The following ATP6V1H variants were observed in gnomAD, a reference collection of about 807,000 sequenced individuals.
The protein encoded by ATP6V1H is ATPase H+ transporting V1 subunit H.
In ATP6V1H, 39 loss-of-function variants were observed where a neutral mutation model predicts 71.7. The ratio of observed to expected loss-of-function variants is 0.54; its 90% confidence interval spans 0.42 to 0.71. The LOEUF (loss-of-function observed/expected upper bound fraction) is 0.71, where lower values mean the gene tolerates loss of function less well. Among genes scored for constraint, ATP6V1H ranks in the 30% least tolerant of loss-of-function variants. The pLI is 0.00. For missense variants in ATP6V1H, 509 were observed against 594.9 expected (o/e 0.86, Z 1.50); for synonymous variants, 192 against 199.3 (o/e 0.96, Z 0.31).
chr8:53,757,905 T>C (rs191348460), intron 11 of ATP6V1H, among the ~76,000 whole-genome samples: 3 of 152,332 alleles, frequency 2.0e-5, no homozygotes, highest in African/African-American at 7.2e-5. Context: ...CACAAATTAA[T>C]ACATTTAGTC....
chr8:53,744,112 G>A (rs1434775628), intron 12 of ATP6V1H, among the ~76,000 whole-genome samples: 5 of 151,990 alleles, frequency 3.3e-5, no homozygotes, highest in African/African-American at 9.7e-5. Context: ...ACCGTGCTGC[G>A]TGAAGATAGG....
At chr8:53,749,790 T>C (rs1807732133) in intron 12 of ATP6V1H, among the ~76,000 whole-genome samples, 1 of 151,746 alleles carries the variant, frequency 6.6e-6, no homozygotes, top group African/African-American at 2.4e-5. Flanking sequence ...TAAGAGAGTC[T>C]GATAGAGCTT....
chr8:53,755,306 T>C (rs58838407), intron 12 of ATP6V1H, among the ~76,000 whole-genome samples: 5,263 of 152,146 alleles, frequency 0.035, 204 homozygotes, highest in African/African-American at 0.1. Context: ...TTCCAATAGC[T>C]AACTTCACTA....
At chr8:53,823,230 A>G (rs990539753) in intron 4 of ATP6V1H, among the ~76,000 whole-genome samples, 7 of 152,220 alleles carry the variant, frequency 4.6e-5, no homozygotes, top group African/African-American at 1.7e-4. Flanking sequence ...TATAAAATTG[A>G]TCATATACTA....
At chr8:53,835,679 A>AT (rs11399060) in intron 2 of ATP6V1H, among the ~76,000 whole-genome samples, 27,557 of 152,054 alleles carry the variant, frequency 0.18, 4,177 homozygotes, top group East Asian at 0.45. Flanking sequence ...ATTTTTTAAC[A>AT]TTTTAAACTA....
intron 12 of ATP6V1H, among the ~76,000 whole-genome samples, chr8:53,748,242 C>T (rs1807675905): frequency 6.6e-6 from 1 of 151,814 alleles, no homozygotes; most frequent in African/African-American, 2.4e-5. Flanking sequence ...ACAAATATTC[C>T]TACGGATCAT....
In ATP6V1H at chr8:53,795,664, T is replaced by C. The variant is rs142587966; in HGVS notation, c.853A>G (p.Ile285Val). The C allele has an allele frequency of 3.7e-6, 6 of 1,612,804 alleles. No individual in the cohort carries two copies. The highest frequency in any genetic ancestry group is 5.1e-6 in the Non-Finnish European group (6 of 1,179,712). ...ESVKEKVTRI[I>V]LAAFRNFLEK... ...ACACTTACACGAAATGCTGCAAGAA[T>C]GATTCTTGTTACTTTCTCTTTGACA... The change falls in exon 9 of 14, where the codon ATT (isoleucine) becomes GTT (valine). Residue 285 changes from isoleucine to valine, a missense_variant. Coordinates refer to ENST00000359530, the MANE Select transcript of ATP6V1H (RefSeq NM_015941.4).
intron 7 of ATP6V1H, among the ~76,000 whole-genome samples, chr8:53,804,300 C>T (rs1372795125): frequency 1.3e-5 from 2 of 152,108 alleles, no homozygotes; most frequent in Non-Finnish European, 2.9e-5. Context: ...TTTTATGATA[C>T]CAACAGCGTA....
intron 9 of ATP6V1H, among the ~76,000 whole-genome samples, chr8:53,776,063 C>T (rs1808874047): frequency 6.6e-6 from 1 of 152,346 alleles, no homozygotes; most frequent in Admixed American, 6.5e-5. Context: ...AGCTAAGGCC[C>T]GGCAAGAAAT....
At position 53,776,152 on chromosome 8, in the gene ATP6V1H, G is replaced by A. The variant is rs377045965; in HGVS notation, c.871-3985C>T. Among the ~76,000 whole-genome samples, 25 of 152,336 alleles carry A rather than the reference G, an allele frequency of 1.6e-4. No homozygotes were observed. In the East Asian group the frequency reaches 2.7e-3, roughly 16 times the overall value. On this transcript the variant is annotated intron_variant, in intron 9 of 13. Transcript: ENST00000359530. ...AGCAGCTGGCCCGGGTGCTAAGTCCGTCATTGCCCAGGGCCAGCAGGGCCG... is the reference window on the plus strand; with the variant it reads ...AGCAGCTGGCCCGGGTGCTAAGTCCATCATTGCCCAGGGCCAGCAGGGCCG...
chr8:53,731,651 CG>C (rs113353923), intron 13 of ATP6V1H, among the ~76,000 whole-genome samples: 22,118 of 152,252 alleles, frequency 0.15, 2,584 homozygotes, highest in East Asian at 0.37. Flanking sequence ...GGTTTTGGGA[CG>C]CAAGTCTGCT....
At chr8:53,789,643 G>C (rs1427465363) in intron 9 of ATP6V1H, among the ~76,000 whole-genome samples, 1 of 152,028 alleles carries the variant, frequency 6.6e-6, no homozygotes, top group Admixed American at 6.6e-5. Flanking sequence ...GCTAAAATAA[G>C]ACCCTGACTT....
rs554153966 is a variant in ATP6V1H, at chr8:53,819,042, C to CA, written c.307-1513dup. 2.2e-3 allele frequency among the ~76,000 whole-genome samples: 338 copies of CA among 151,358 alleles called. 2 individuals are homozygous for CA. The highest frequency in any genetic ancestry group is 7.8e-3 in the African/African-American group (321 of 41,252). The stretch of plus-strand genomic sequence containing the variant: ...GCAACATAGTGATACCCCATCTCTA[C>CA]AAAAAAATAAAAAATTAGCCAGGTG... On this transcript the variant is annotated intron_variant, in intron 4 of 13. Coordinates refer to ENST00000359530, the MANE Select transcript of ATP6V1H (RefSeq NM_015941.4).
intron 4 of ATP6V1H, among the ~76,000 whole-genome samples, chr8:53,828,757 C>T (rs1253160539): frequency 6.6e-6 from 1 of 151,892 alleles, no homozygotes; most frequent in African/African-American, 2.4e-5. Flanking sequence ...TGTTTTTTTC[C>T]TTATAAGTTA....
intron 8 of ATP6V1H, 55 bp from the exon 9 acceptor site, chr8:53,795,894 A>C: frequency 6.8e-7 from 1 of 1,477,390 alleles, no homozygotes; most frequent in Non-Finnish European, 9.2e-7. Flanking sequence ...GAAAGAAGAA[A>C]TAAGCAATTA....
At chr8:53,722,884 T>G (rs1806675199) in intron 13 of ATP6V1H, among the ~76,000 whole-genome samples, 1 of 152,212 alleles carries the variant, frequency 6.6e-6, no homozygotes, top group Non-Finnish European at 1.5e-5. Context: ...AAAGCTCAAC[T>G]AAATCCACAG....
At chr8:53,758,493 T>C (rs1284176798) in intron 11 of ATP6V1H, among the ~76,000 whole-genome samples, 2 of 152,172 alleles carry the variant, frequency 1.3e-5, no homozygotes, top group Non-Finnish European at 2.9e-5. Context: ...CAAAGATCAA[T>C]GTACAGCTAA....
intron 13 of ATP6V1H, among the ~76,000 whole-genome samples, chr8:53,737,942 T>C (rs1807281122): frequency 6.6e-6 from 1 of 152,154 alleles, no homozygotes. Flanking sequence ...CCATTAGCTA[T>C]AAAACATTTT....
At chr8:53,755,510 G>A in intron 12 of ATP6V1H, among the ~76,000 whole-genome samples, 1 of 146,700 alleles carries the variant, frequency 6.8e-6, no homozygotes, top group Non-Finnish European at 1.5e-5. Flanking sequence ...ACGGGGGGTG[G>A]GGGTGGGAGT....
Sources: allele counts gnomAD v4.1 joint callset (sites outside exome capture counted in the v4.1 genomes callset), GRCh38; gene constraint gnomAD v4.1.1; transcripts MANE v1.5; gene names NCBI Gene and HGNC (gene_info 2026-07-23, HGNC 2026-07-21).